Variants in BCL2 observed in about 807,000 individuals in gnomAD.
BCL2 encodes apoptosis regulator Bcl-2.
Under a neutral mutation model 14.2 loss-of-function variants are expected in BCL2, and 1 was observed. That is an observed-to-expected ratio of 0.07 (90% CI 0.02 to 0.33). BCL2 has a LOEUF of 0.33. BCL2 is among the 10% of genes least tolerant of loss of function. The probability of loss-of-function intolerance (pLI) is 0.99; values close to 1 mark genes in which losing one functional copy is unlikely to be tolerated. For missense variants in BCL2, 247 were observed against 305.9 expected (o/e 0.81, Z 1.44); for synonymous variants, 151 against 137.2 (o/e 1.10, Z -0.70).
chr18:63,203,098 G>C (rs776357334), intron 2 of BCL2, among the ~76,000 whole-genome samples: 1 of 152,200 alleles, frequency 6.6e-6, no homozygotes, highest in Non-Finnish European at 1.5e-5. Flanking sequence ...CACGCTTCAG[G>C]AAAGTGGGTG....
chr18:63,254,954 G>C (rs766725356), intron 2 of BCL2, among the ~76,000 whole-genome samples: 1 of 152,236 alleles, frequency 6.6e-6, no homozygotes, highest in Non-Finnish European at 1.5e-5. Context: ...AGAATGCAAA[G>C]CTGCAAAACA....
intron 2 of BCL2, among the ~76,000 whole-genome samples, chr18:63,260,622 C>T (rs1911629202): frequency 6.6e-6 from 1 of 152,056 alleles, no homozygotes; most frequent in African/African-American, 2.4e-5. Flanking sequence ...TCTTAAGGGT[C>T]AGGTTCGTTA....
chr18:63,172,625 TA>T (rs1466920520), intron 2 of BCL2, among the ~76,000 whole-genome samples: 3 of 151,802 alleles, frequency 2.0e-5, no homozygotes, highest in Admixed American at 2.0e-4. Context: ...ACTAAAAATA[TA>T]AAAAATTAGC....
Position 63,138,466 on chromosome 18 carries a change from C to T in BCL2, c.586-9707G>A, listed in dbSNP as rs111407028. On this transcript the variant is annotated intron_variant, in intron 2 of 2. Transcript: ENST00000333681. ...CCCTTTACTCCCAAAATATTGTTTC[C>T]GGGTTTGGGGGAAAAGGAAAGGGAA... is the stretch of plus-strand genomic sequence containing the variant. Among the ~76,000 whole-genome samples, 7 of 152,330 alleles carry T rather than the reference C, an allele frequency of 4.6e-5. 1 individual carries two copies. Among genetic ancestry groups the T allele is most frequent in the African/African-American group, 1.7e-4 (7 of 41,564 alleles).
chr18:63,259,425 G>T (rs545835860), intron 2 of BCL2, among the ~76,000 whole-genome samples: 1 of 152,374 alleles, frequency 6.6e-6, no homozygotes, highest in East Asian at 1.9e-4. Context: ...GCACCTTGCC[G>T]TTGGTTGGCA....
intron 2 of BCL2, among the ~76,000 whole-genome samples, chr18:63,273,740 C>CCCT (rs1912069579): frequency 6.6e-6 from 1 of 152,116 alleles, no homozygotes; most frequent in African/African-American, 2.4e-5. Flanking sequence ...GACCACCCAC[C>CCCT]CCTCACAAAG....
In BCL2 at chr18:63,183,114, GT is replaced by G. The variant is rs1915515372; in HGVS notation, c.586-54356del. On this transcript the variant is annotated intron_variant, in intron 2 of 2. Coordinates refer to ENST00000333681, the MANE Select transcript of BCL2 (RefSeq NM_000633.3). The stretch of plus-strand genomic sequence containing the variant: ...CCCACCCCTTGCTATGGACAAGGAA[GT>G]GCTGGGGAAGGAAAACAAACACAAA... 3.9e-5 allele frequency among the ~76,000 whole-genome samples: 6 copies of G among 152,340 alleles called. No individual in the cohort carries two copies. The South Asian group carries it at 1.2e-3, about 32-fold the overall frequency.
At position 63,275,424 on chromosome 18, in the gene BCL2, C is replaced by T. The variant is rs1437524592; in HGVS notation, c.585+42658G>A. Reference sequence around the variant, plus strand: ...AAGTGGCTCTCCCCTTCCTGTCCTCCCCGGGACCACTAAACCAAACCTCTC... The same window carrying T: ...AAGTGGCTCTCCCCTTCCTGTCCTCTCCGGGACCACTAAACCAAACCTCTC... On this transcript the variant is annotated intron_variant, in intron 2 of 2. Transcript: ENST00000333681. Among the ~76,000 whole-genome samples, 3 of 152,138 alleles carry T rather than the reference C, an allele frequency of 2.0e-5. No homozygotes were observed. In the South Asian group the frequency reaches 6.2e-4, roughly 32 times the overall value.
intron 2 of BCL2, among the ~76,000 whole-genome samples, chr18:63,231,350 T>C (rs139288922): frequency 6.6e-6 from 1 of 152,012 alleles, no homozygotes; most frequent in Non-Finnish European, 1.5e-5. Flanking sequence ...ATGAGATACC[T>C]TGCTGATGTA....
intron 2 of BCL2, among the ~76,000 whole-genome samples, chr18:63,211,924 G>A (rs935336247): frequency 5.3e-5 from 8 of 152,208 alleles, no homozygotes; most frequent in East Asian, 1.9e-4. Context: ...ATCAGGTTTC[G>A]CCAGAAATGC....
intron 2 of BCL2, among the ~76,000 whole-genome samples, chr18:63,299,971 G>A (rs1238200015): frequency 1.3e-5 from 2 of 152,022 alleles, no homozygotes; most frequent in Non-Finnish European, 2.9e-5. Context: ...CCCCCCCAAG[G>A]CCAGAGATCA....
intron 2 of BCL2, among the ~76,000 whole-genome samples, chr18:63,230,521 A>G (rs1910661873): frequency 1.3e-5 from 2 of 152,106 alleles, no homozygotes; most frequent in Non-Finnish European, 2.9e-5. Context: ...AACAATAGAG[A>G]ATAGAAACAA....
chr18:63,138,245 G>A (rs1033449116), intron 2 of BCL2, among the ~76,000 whole-genome samples: 1 of 152,224 alleles, frequency 6.6e-6, no homozygotes, highest in African/African-American at 2.4e-5. Flanking sequence ...ACGCAAGGAA[G>A]TGAGGACTTT....
intron 2 of BCL2, among the ~76,000 whole-genome samples, chr18:63,299,839 AT>A (rs1432030401): frequency 1.6e-5 from 2 of 128,278 alleles, no homozygotes; most frequent in African/African-American, 5.6e-5. Context: ...ACAAACTCTT[AT>A]GTATCCTTCA....
intron 2 of BCL2, among the ~76,000 whole-genome samples, chr18:63,131,812 C>G (rs1914076552): frequency 6.6e-6 from 1 of 152,210 alleles, no homozygotes; most frequent in Non-Finnish European, 1.5e-5. Flanking sequence ...CTGTCTGGAC[C>G]TGAAGCCATC....
chr18:63,269,928 G>A (rs748850839), intron 2 of BCL2, among the ~76,000 whole-genome samples: 4 of 152,068 alleles, frequency 2.6e-5, no homozygotes, highest in Non-Finnish European at 5.9e-5. Context: ...AGTGTTTTGA[G>A]GGGGTAGAAA....
At chr18:63,250,707 T>G (rs1911286008) in intron 2 of BCL2, among the ~76,000 whole-genome samples, 1 of 152,230 alleles carries the variant, frequency 6.6e-6, no homozygotes, top group Admixed American at 6.5e-5. Flanking sequence ...TCCCACTTAC[T>G]AGGGATTTGC....
At chr18:63,225,422 A>T (rs1242773104) in intron 2 of BCL2, among the ~76,000 whole-genome samples, 1 of 152,246 alleles carries the variant, frequency 6.6e-6, no homozygotes, top group Non-Finnish European at 1.5e-5. Flanking sequence ...AAATGCAGAG[A>T]CATATATATG....
At chr18:63,220,282 G>C (rs908363103) in intron 2 of BCL2, among the ~76,000 whole-genome samples, 10 of 152,166 alleles carry the variant, frequency 6.6e-5, no homozygotes, top group African/African-American at 2.4e-4. Flanking sequence ...GTCTGTCCCA[G>C]CATGTTAGGG....
Sources: allele counts gnomAD v4.1 joint callset (sites outside exome capture counted in the v4.1 genomes callset), GRCh38; gene constraint gnomAD v4.1.1; transcripts MANE v1.5; gene names NCBI Gene and HGNC (gene_info 2026-07-23, HGNC 2026-07-21).